Variants in KDM3B observed in about 807,000 individuals in gnomAD.
The protein encoded by KDM3B is lysine demethylase 3B, also known as lysine-specific demethylase 3B.
Under a neutral mutation model 170.0 loss-of-function variants are expected in KDM3B, and 10 were observed. The observed-to-expected ratio is 0.06, with a 90% CI of 0.04 to 0.10. KDM3B has a LOEUF of 0.10. Ranked by LOEUF, KDM3B falls within the 10% of genes least tolerant of loss-of-function variation. The pLI is 1.00. For synonymous variants in KDM3B, 831 were observed against 834.8 expected (o/e 1.00, Z 0.08); for missense variants, 1,394 against 2,195.2 (o/e 0.64, Z 7.29).
At position 138,427,012 on chromosome 5, in the gene KDM3B, C is replaced by G. The variant is rs201776470; in HGVS notation, c.4449C>G (p.Leu1483=). 578 of 1,613,992 alleles carry G rather than the reference C, an allele frequency of 3.6e-4. 3 individuals carry two copies. The highest frequency in any genetic ancestry group is 1.6e-4 in the Middle Eastern group (1 of 6,084). ...LRSEDGQPMV[L]KLKDWPPGED... is the part of the protein sequence containing the mutation. ...CAGAAGATGGGCAGCCAATGGTGCT[C>G]AAACTCAAGGACTGGCCTCCTGGGG... The change falls in exon 18 of 24, where the codon CTC becomes CTG. Residue 1483 remains leucine, a synonymous_variant. Transcript: ENST00000314358.
chr5:138,417,101 G>A (rs1036715555), intron 12 of KDM3B, among the ~76,000 whole-genome samples: 5 of 152,324 alleles, frequency 3.3e-5, no homozygotes, highest in East Asian at 1.9e-4. Flanking sequence ...GATTAGAGGC[G>A]TGAGCCACCA....
At chr5:138,375,624 C>T (rs953992046) in intron 3 of KDM3B, among the ~76,000 whole-genome samples, 25 of 151,998 alleles carry the variant, frequency 1.6e-4, no homozygotes, top group African/African-American at 5.6e-4. Flanking sequence ...GTGATCCGCC[C>T]GCCTCGGCCT....
intron 23 of KDM3B, 46 bp downstream of exon 23, chr5:138,431,605 C>T (rs1429750658): frequency 6.7e-7 from 1 of 1,500,654 alleles, no homozygotes; most frequent in African/African-American, 1.4e-5. Flanking sequence ...TCATTGCATA[C>T]TCACATACAT....
chr5:138,436,411 T>G lies in KDM3B; in HGVS notation c.*711T>G, dbSNP rs1763673868. 1 of 152,252 alleles carries G rather than the reference T, an allele frequency of 6.6e-6. No homozygotes were observed. Among genetic ancestry groups the G allele is most frequent in the Non-Finnish European group, 1.5e-5 (1 of 68,048 alleles). 9.4% of individuals were successfully genotyped at this position (152,252 alleles called of 1,614,324 possible). A position where few individuals can be genotyped will look rare whatever the true frequency, so the allele number is the denominator to read the frequency against. On this transcript the variant is annotated 3_prime_UTR_variant, in exon 24 of 24. Transcript: ENST00000314358. ...ATAAGGAAAGGCACATTACATTTAG[T>G]CTTCCTTTCGATATAAAACTCTTTG...
intron 1 of KDM3B, among the ~76,000 whole-genome samples, chr5:138,369,067 T>C (rs1264000476): frequency 2.0e-5 from 3 of 152,204 alleles, no homozygotes; most frequent in Non-Finnish European, 4.4e-5. Context: ...GTTGGCAGTT[T>C]AGAACTATAC....
rs72407204 is a variant in KDM3B, at chr5:138,363,013, CTTG to C, written c.193-9656_193-9654del. Among the ~76,000 whole-genome samples the C allele has an allele frequency of 3.6e-3, 548 of 151,640 alleles. 7 individuals carry two copies. Among genetic ancestry groups the C allele is most frequent in the African/African-American group, 0.013 (526 of 41,392 alleles). ...ACTGGGTTCTGGGTATTTACTTTTC[CTTG>C]TTGTGATGCCCCTTACATGTAACAA... On this transcript the variant is annotated intron_variant, in intron 1 of 23. Transcript: ENST00000314358.
intron 9 of KDM3B, among the ~76,000 whole-genome samples, chr5:138,393,955 A>G (rs1762493200): frequency 1.3e-5 from 2 of 152,274 alleles, no homozygotes; most frequent in South Asian, 2.1e-4. Flanking sequence ...TGGTTTACCA[A>G]TATGGTGTGG....
chr5:138,394,510 G>A (rs556927350), intron 9 of KDM3B, among the ~76,000 whole-genome samples: 1 of 152,286 alleles, frequency 6.6e-6, no homozygotes, highest in Admixed American at 6.5e-5. Flanking sequence ...GAGAGTTGAG[G>A]AACAGCCTGC....
chr5:138,381,473 T>A, intron 5 of KDM3B, 43 bp from the exon 6 acceptor site: 5 of 1,167,654 alleles, frequency 4.3e-6, no homozygotes, highest in Non-Finnish European at 6.5e-6. Flanking sequence ...AATTATGTCT[T>A]TATGGACAAG....
chr5:138,352,703 G>A lies in KDM3B; in HGVS notation c.-93G>A, dbSNP rs1761356491. ...TGGGGGGGAACGGCGGCCGCGGGTGGTGCGGAGGGAGGCCTTGCGGGCGGA... is the reference window on the plus strand; with the variant it reads ...TGGGGGGGAACGGCGGCCGCGGGTGATGCGGAGGGAGGCCTTGCGGGCGGA... On this transcript the variant is annotated 5_prime_UTR_variant, in exon 1 of 24. The change creates a new upstream start codon in the 5' untranslated region. Transcript: ENST00000314358. 1 of 1,020,986 alleles carries A rather than the reference G, an allele frequency of 9.8e-7. No homozygotes were observed. Among genetic ancestry groups the A allele is most frequent in the South Asian group, 4.7e-5 (1 of 21,328 alleles). 63.2% of individuals were successfully genotyped at this position (1,020,986 alleles called of 1,614,324 possible).
chr5:138,426,952 T>TG (rs753981304), intron 17 of KDM3B, 23 bp from the exon 18 acceptor site: 5 of 1,584,118 alleles, frequency 3.2e-6, no homozygotes, highest in Non-Finnish European at 2.6e-6. Flanking sequence ...CAGATGTTTG[T>TG]GGGAGTATTC....
At position 138,418,935 on chromosome 5, in the gene KDM3B, T is replaced by C. The variant is rs370011787; in HGVS notation, c.3436-18T>C. The C allele has an allele frequency of 2.4e-5, 39 of 1,610,188 alleles. No individual in the cohort carries two copies. In the African/African-American group the frequency reaches 3.6e-4, roughly 15 times the overall value. On this transcript the variant is annotated intron_variant, in intron 13 of 23. Coordinates refer to ENST00000314358, the MANE Select transcript of KDM3B (RefSeq NM_016604.4). ...CCCAAGCACAGCACTCTAATTATGT[T>C]GGCCTTCTGCATTTTAGCTTCCTAG...
Position 138,353,023 on chromosome 5 carries a change from G to GCTGCGGGGC in KDM3B, c.192+44_192+52dup, listed in dbSNP as rs1271809426. On this transcript the variant is annotated intron_variant, in intron 1 of 23. Coordinates refer to ENST00000314358, the MANE Select transcript of KDM3B (RefSeq NM_016604.4). ...GCCGAGTCGGGCACTCGAGGCCGGGGCTGCGGGGCCTGCGGGCGGCCTCCC... is the reference window on the plus strand; with the variant it reads ...GCCGAGTCGGGCACTCGAGGCCGGGGCTGCGGGGCCTGCGGGGCCTGCGGGCGGCCTCCC... 8.2e-6 allele frequency: 10 copies of GCTGCGGGGC among 1,214,104 alleles called. No individual in the cohort carries two copies. The African/African-American group carries it at 1.3e-4, about 15-fold the overall frequency. The allele number at this position is 1,214,104 out of a possible 1,614,324, so 75.2% of individuals were successfully genotyped here. A position where few individuals can be genotyped will look rare whatever the true frequency, so the allele number is the denominator to read the frequency against.
At chr5:138,417,643 A>G in intron 13 of KDM3B, 33 bp downstream of exon 13, 2 of 1,600,270 alleles carry the variant, frequency 1.2e-6, no homozygotes, top group South Asian at 1.1e-5. Flanking sequence ...AACTAAGTGA[A>G]GCCTAAATTT....
intron 4 of KDM3B, 44 bp from the exon 5 acceptor site, chr5:138,379,540 T>C (rs377464600): frequency 1.4e-4 from 213 of 1,558,332 alleles, no homozygotes; most frequent in Admixed American, 3.8e-4. Context: ...TTATGAAATA[T>C]AGCTTAGCCA....
intron 1 of KDM3B, among the ~76,000 whole-genome samples, chr5:138,355,441 G>GA (rs1300905580): frequency 1.3e-5 from 2 of 152,104 alleles, no homozygotes; most frequent in East Asian, 3.9e-4. Context: ...GGTGAGATGT[G>GA]AAAAAAAGGA....
chr5:138,361,204 TCCACTGTACCATC>T (rs1477154292), intron 1 of KDM3B, among the ~76,000 whole-genome samples: 1 of 152,148 alleles, frequency 6.6e-6, no homozygotes, highest in Non-Finnish European at 1.5e-5. Flanking sequence ...TTAAGCCCTT[TCCACTGTACCATC>T]CCTACTGCCC....
chr5:138,428,295 G>A (rs767175685), intron 20 of KDM3B, among the ~76,000 whole-genome samples: 68 of 150,990 alleles, frequency 4.5e-4, no homozygotes, highest in Non-Finnish European at 7.7e-4. Flanking sequence ...CGCAACCTCC[G>A]CTGCCTCCCA....
intron 15 of KDM3B, 22 bp from the exon 16 acceptor site, chr5:138,424,053 C>G (rs767341431): frequency 1.3e-6 from 2 of 1,519,112 alleles, no homozygotes; most frequent in Non-Finnish European, 1.8e-6. Context: ...TCAAGCTTAC[C>G]TGGTGGATTT....
Sources: gnomAD v4.1 joint callset for allele counts (sites outside exome capture counted in the v4.1 genomes callset) on GRCh38, gnomAD v4.1.1 for gene constraint, MANE v1.5 for transcripts, NCBI Gene and HGNC (gene_info 2026-07-23, HGNC 2026-07-21) for gene names.